Variants in PHF8 observed in about 807,000 individuals in gnomAD.
PHF8 encodes the protein histone lysine demethylase PHF8.
Under a neutral mutation model 74.4 loss-of-function variants are expected in PHF8, and 9 were observed. The observed-to-expected ratio is 0.12, with a 90% CI of 0.07 to 0.21. The LOEUF (loss-of-function observed/expected upper bound fraction) is 0.21, where lower values mean the gene tolerates loss of function less well. Ranked by LOEUF, PHF8 falls within the 10% of genes least tolerant of loss-of-function variation. The probability of loss-of-function intolerance (pLI) is 1.00; values close to 1 mark genes in which losing one functional copy is unlikely to be tolerated. For missense variants in PHF8, 478 were observed against 816.6 expected, an observed-to-expected ratio of 0.59 and a Z score of 5.05; for synonymous variants, 311 against 316.6, an observed-to-expected ratio of 0.98 and a Z score of 0.19.
chrX:54,011,010 C>T (rs2065974730), intron 8 of PHF8, 112 bp downstream of exon 8: 5 of 693,464 alleles, frequency 7.2e-6, no homozygotes, highest in South Asian at 2.3e-5. Flanking sequence ...CTGCGCCTTT[C>T]GCTGATATGA....
intron 18 of PHF8, among the ~76,000 whole-genome samples, chrX:53,974,124 G>A (rs1182006653): frequency 9.0e-6 from 1 of 110,598 alleles, no homozygotes; most frequent in Non-Finnish European, 1.9e-5. Context: ...GCTGGGCGTG[G>A]TGGCAGGCGC....
At chrX:54,032,659 A>T (rs887081645) in intron 2 of PHF8, among the ~76,000 whole-genome samples, 1 of 110,703 alleles carries the variant, frequency 9.0e-6, no homozygotes, top group Non-Finnish European at 1.9e-5. Flanking sequence ...GACACACTAT[A>T]TATTAAGCTG....
At chrX:53,976,687 T>TAAA (rs782651624) in intron 18 of PHF8, among the ~76,000 whole-genome samples, 2 of 77,444 alleles carry the variant, frequency 2.6e-5, no homozygotes, top group Non-Finnish European at 5.1e-5. Flanking sequence ...CTTTTTAAGT[T>TAAA]AAAAAAAAAA....
chrX:54,018,491 T>G, intron 4 of PHF8, among the ~76,000 whole-genome samples: 1 of 97,937 alleles, frequency 1.0e-5, no homozygotes, highest in East Asian at 3.2e-4. Context: ...AGAAAGAAAA[T>G]AGTTTTCTTT....
intron 19 of PHF8, among the ~76,000 whole-genome samples, chrX:53,956,771 C>G (rs2065020179): frequency 9.1e-6 from 1 of 109,875 alleles, no homozygotes; most frequent in South Asian, 3.9e-4. Context: ...CTTGAAGAAC[C>G]ACATGGATAA....
chrX:54,048,707 G>A (rs782493433), upstream of PHF8, among the ~76,000 whole-genome samples: 1 of 112,447 alleles, frequency 8.9e-6, no homozygotes, highest in African/African-American at 3.2e-5. Flanking sequence ...GCCCATGATG[G>A]GACCTGGCTG....
At chrX:54,021,039 G>C (rs1475879060) in intron 4 of PHF8, among the ~76,000 whole-genome samples, 2 of 112,018 alleles carry the variant, frequency 1.8e-5, no homozygotes, top group Non-Finnish European at 3.8e-5. Context: ...ATCAAACTAG[G>C]TGCCCATCAA....
intron 2 of PHF8, among the ~76,000 whole-genome samples, chrX:54,036,591 A>C (rs1242085962): frequency 8.5e-5 from 9 of 105,600 alleles, no homozygotes; most frequent in African/African-American, 2.4e-4. Context: ...AAAAAAAAAA[A>C]AAAAAAAAAC....
chrX:54,044,056 GGGTCGCGC>G lies in PHF8; in HGVS notation c.-395_-388del, dbSNP rs1235065526. ...TCGCCTTCCCCTCGAGCCCCCCGCT[GGGTCGCGC>G]GGCGCCAGCCGCTCAACGGTGCTTC... On this transcript the variant is annotated 5_prime_UTR_variant, in exon 1 of 22. Coordinates refer to ENST00000338154, the MANE Select transcript of PHF8 (RefSeq NM_015107.3). The G allele has an allele frequency of 6.6e-6, 5 of 754,437 alleles. No individual in the cohort carries two copies. Among genetic ancestry groups the G allele is most frequent in the Non-Finnish European group, 7.8e-6 (5 of 639,429 alleles). The allele number at this position is 754,437 out of a possible 1,213,427, so 62.2% of individuals were successfully genotyped here. A position where few individuals can be genotyped will look rare whatever the true frequency, so the allele number is the denominator to read the frequency against.
intron 19 of PHF8, among the ~76,000 whole-genome samples, chrX:53,951,209 A>G (rs1449159730): frequency 8.9e-6 from 1 of 112,454 alleles, no homozygotes; most frequent in Non-Finnish European, 1.9e-5. Flanking sequence ...GAGCAGGTAG[A>G]AGGAAGAATT....
chrX:53,937,667 AAAAG>A lies in PHF8; in HGVS notation c.*1487_*1490del, dbSNP rs1274898470. The A allele has an allele frequency of 7.9e-6, 2 of 252,624 alleles. No individual in the cohort carries two copies. Among genetic ancestry groups the A allele is most frequent in the Admixed American group, 1.2e-4 (2 of 16,221 alleles). The allele number at this position is 252,624 out of a possible 1,213,427, so 20.8% of individuals were successfully genotyped here. A position where few individuals can be genotyped will look rare whatever the true frequency, so the allele number is the denominator to read the frequency against. Reference sequence around the variant, plus strand: ...GGAAAGTAGAGGCAGGGCTATGGAGAAAAGAAAGACAAACTGGAGATACAAAGAT... The same window carrying A: ...GGAAAGTAGAGGCAGGGCTATGGAGAAAAGACAAACTGGAGATACAAAGAT... On this transcript the variant is annotated 3_prime_UTR_variant, in exon 22 of 22. Transcript: ENST00000338154.
chrX:53,998,521 TCCCTGCCATCAATCCCACCCTGC>T (rs1206242457), intron 11 of PHF8, among the ~76,000 whole-genome samples: 7 of 111,058 alleles, frequency 6.3e-5, no homozygotes, highest in Admixed American at 4.8e-4. Context: ...TCCTACCCTG[TCCCTGCCATCAATCCCACCCTGC>T]CCCTGCCATC....
At position 53,985,222 on chromosome X, in the gene PHF8, G is replaced by A. The variant is rs2065542525; in HGVS notation, c.2135C>T (p.Ala712Val). 4.2e-6 allele frequency: 5 copies of A among 1,192,166 alleles called. No individual in the cohort carries two copies. The highest frequency in any genetic ancestry group is 5.7e-6 in the Non-Finnish European group (5 of 884,149). The change falls in exon 18 of 22, where the codon GCC becomes GTC. Residue 712 changes from alanine to valine, a missense_variant. This residue lies in a region of PHF8 where 45 missense variants were observed against 94.4 expected (regional missense o/e 0.48). Coordinates refer to ENST00000338154, the MANE Select transcript of PHF8 (RefSeq NM_015107.3). ...CTCCTGAGTGCTGGGAGAAGCTGGG[G>A]CCTCGCTGCAAGGAACAGAGGAGAA... ...GGPDYAALTE[A>V]PASPSTQEAI...
intron 18 of PHF8, among the ~76,000 whole-genome samples, chrX:53,975,302 A>T (rs949781075): frequency 2.7e-5 from 3 of 112,132 alleles, no homozygotes; most frequent in Non-Finnish European, 5.6e-5. Context: ...TATCATAGAA[A>T]ACAGTATGGA....
In PHF8 at chrX:53,937,930, C is replaced by A; in HGVS notation, c.*1228G>T. ...GCACTGTCTGGACAATGGAGACAATCCACGAAGGAAGGACAGGGGAAGGGG... is the reference window on the plus strand; with the variant it reads ...GCACTGTCTGGACAATGGAGACAATACACGAAGGAAGGACAGGGGAAGGGG... On this transcript the variant is annotated 3_prime_UTR_variant, in exon 22 of 22. Coordinates refer to ENST00000338154, the MANE Select transcript of PHF8 (RefSeq NM_015107.3). The A allele has an allele frequency of 1.9e-6, 2 of 1,043,799 alleles. No homozygotes were observed. The highest frequency in any genetic ancestry group is 6.6e-5 in the East Asian group (2 of 30,117). The allele number at this position is 1,043,799 out of a possible 1,213,427, so 86.0% of individuals were successfully genotyped here.
At chrX:53,967,315 TG>T (rs1557093182) in intron 18 of PHF8, among the ~76,000 whole-genome samples, 2 of 50,362 alleles carry the variant, frequency 4.0e-5, no homozygotes, top group East Asian at 6.1e-4. Context: ...GGGAGGGAGG[TG>T]GGGGGGTCAG....
chrX:54,029,006 G>A lies in PHF8; in HGVS notation c.99-6163C>T, dbSNP rs183959861. Among the ~76,000 whole-genome samples the A allele has an allele frequency of 3.6e-5, 4 of 112,255 alleles. No individual in the cohort carries two copies. In the East Asian group the frequency reaches 1.1e-3, roughly 31 times the overall value. On this transcript the variant is annotated intron_variant, in intron 2 of 21. Transcript: ENST00000338154. ...CACAAGGTTGTTATCAAAAGCAAAT[G>A]AACTAAATATATAGAAAGTGTTTAG... is the stretch of plus-strand genomic sequence containing the variant.
chrX:54,026,616 G>A (rs1256527963), intron 2 of PHF8, among the ~76,000 whole-genome samples: 4 of 110,562 alleles, frequency 3.6e-5, no homozygotes, highest in Admixed American at 2.9e-4. Context: ...TTTGTTTAGA[G>A]TCAGGGTCTC....
At chrX:54,014,129 T>G (rs1049922904) in intron 7 of PHF8, among the ~76,000 whole-genome samples, 1 of 109,979 alleles carries the variant, frequency 9.1e-6, no homozygotes, top group Admixed American at 9.7e-5. Context: ...CTAATTTTTT[T>G]TATTTTTAGT....
Sources: gnomAD v4.1 joint callset for allele counts (sites outside exome capture counted in the v4.1 genomes callset) on GRCh38, gnomAD v4.1.1 for gene constraint, gnomAD v4.1.1 regional missense constraint, MANE v1.5 for transcripts, NCBI Gene and HGNC (gene_info 2026-07-23, HGNC 2026-07-21) for gene names.